The following FOXN3 variants were observed in gnomAD, a reference collection of about 807,000 sequenced individuals.
FOXN3 encodes the protein forkhead box protein N3.
In FOXN3, 7 loss-of-function variants were observed where a neutral mutation model predicts 38.4. That is an observed-to-expected ratio of 0.18 (90% CI 0.10 to 0.34). The LOEUF is 0.34. Ranked by LOEUF, FOXN3 falls within the 10% of genes least tolerant of loss-of-function variation. FOXN3 has a pLI of 1.00. For synonymous variants in FOXN3, 230 were observed against 242.2 expected (o/e 0.95, Z 0.47); for missense variants, 456 against 613.4 (o/e 0.74, Z 2.71).
At chr14:89,262,537 A>T (rs1885839366) in intron 4 of FOXN3, among the ~76,000 whole-genome samples, 1 of 152,246 alleles carries the variant, frequency 6.6e-6, no homozygotes, top group South Asian at 2.1e-4. Flanking sequence ...AGAATTCAAG[A>T]GTTAAACTAG....
intron 1 of FOXN3, among the ~76,000 whole-genome samples, chr14:89,537,174 A>G (rs1035957908): frequency 1.3e-5 from 2 of 152,208 alleles, no homozygotes; most frequent in Non-Finnish European, 2.9e-5. Flanking sequence ...GAATGGGGAC[A>G]ATGTCCTATT....
intron 1 of FOXN3, among the ~76,000 whole-genome samples, chr14:89,498,875 A>G (rs991425057): frequency 1.3e-5 from 2 of 152,128 alleles, no homozygotes; most frequent in Non-Finnish European, 2.9e-5. Context: ...CTCACAAGTC[A>G]ATGATTGGAC....
chr14:89,420,280 A>G (rs1891868661), upstream of FOXN3, among the ~76,000 whole-genome samples: 1 of 152,326 alleles, frequency 6.6e-6, no homozygotes, highest in African/African-American at 2.4e-5. Flanking sequence ...CCTGAGTCAC[A>G]TGACTCCCCT....
chr14:89,501,843 C>T (rs773813768), intron 1 of FOXN3, among the ~76,000 whole-genome samples: 2 of 149,628 alleles, frequency 1.3e-5, no homozygotes, highest in African/African-American at 5.0e-5. Context: ...AGTGAAACTC[C>T]ATCTCAAAAA....
At chr14:89,224,493 T>A (rs1884568128) in intron 4 of FOXN3, among the ~76,000 whole-genome samples, 1 of 152,204 alleles carries the variant, frequency 6.6e-6, no homozygotes, top group Non-Finnish European at 1.5e-5. Context: ...CCAAATGCTT[T>A]GGAACCCTAC....
At chr14:89,284,440 C>A (rs1195698587) in intron 3 of FOXN3, 1 of 455,874 alleles carries the variant, frequency 2.2e-6, no homozygotes, top group Non-Finnish European at 4.4e-6. Context: ...TAGAGACACA[C>A]GCATCAACAG....
In FOXN3 at chr14:89,457,811, G is replaced by A. The variant is rs568515080; in HGVS notation, c.-14-45321C>T. Among the ~76,000 whole-genome samples the A allele has an allele frequency of 2.0e-3, 302 of 152,110 alleles. 2 individuals carry two copies. The highest frequency in any genetic ancestry group is 2.5e-3 in the Non-Finnish European group (169 of 67,998). On this transcript the variant is annotated intron_variant, in intron 1 of 6. Coordinates refer to the FOXN3 transcript ENST00000345097. Reference sequence around the variant, plus strand: ...GTGGATCACCTGAGGTCGGGAGTTCGAGACCAGCCTGACCAACATGGAGAA... The same window carrying A: ...GTGGATCACCTGAGGTCGGGAGTTCAAGACCAGCCTGACCAACATGGAGAA...
At chr14:89,202,865 A>G (rs574980939) in intron 4 of FOXN3, among the ~76,000 whole-genome samples, 1 of 152,146 alleles carries the variant, frequency 6.6e-6, no homozygotes, top group South Asian at 2.1e-4. Context: ...TTTCTTTATA[A>G]ATTACGCAGG....
chr14:89,504,174 A>G, intron 1 of FOXN3, among the ~76,000 whole-genome samples: 1 of 152,236 alleles, frequency 6.6e-6, no homozygotes, highest in East Asian at 1.9e-4. Flanking sequence ...CAAACCAAGT[A>G]GTCATGTGCA....
intron 1 of FOXN3, among the ~76,000 whole-genome samples, chr14:89,504,794 T>A (rs1388340811): frequency 6.6e-6 from 1 of 152,042 alleles, no homozygotes; most frequent in African/African-American, 2.4e-5. Context: ...CAAAGGCAAC[T>A]CCCTCTAACA....
chr14:89,284,534 GGCTGTGAATGGTATTTT>G, intron 3 of FOXN3: 1 of 456,060 alleles, frequency 2.2e-6, no homozygotes, highest in Non-Finnish European at 4.4e-6. Flanking sequence ...TGTGGAAGAA[GGCTGTGAATGGTATTTT>G]GCTAGGACTC....
At chr14:89,597,728 G>A (rs1008966756) in intron 1 of FOXN3, among the ~76,000 whole-genome samples, 4 of 152,078 alleles carry the variant, frequency 2.6e-5, no homozygotes, top group African/African-American at 9.7e-5. Context: ...TTACAGTTAT[G>A]CGATCTTTCT....
At chr14:89,415,766 A>G (rs765217671) in intron 1 of FOXN3, among the ~76,000 whole-genome samples, 1 of 151,666 alleles carries the variant, frequency 6.6e-6, no homozygotes, top group South Asian at 2.1e-4. Context: ...TTAAGCAAAC[A>G]TTTTTAATCT....
rs1596248356 is a variant in FOXN3, at chr14:89,392,893, G to A, written c.543+19041C>T. On this transcript the variant is annotated intron_variant, in intron 2 of 5. Coordinates refer to ENST00000557258, the MANE Select transcript of FOXN3 (RefSeq NM_005197.4). ...ATGATATCAGTTCAGTGCAACCTCC[G>A]CCCCCAAGGTTCAAGAGATTCTTCT... Among the ~76,000 whole-genome samples the A allele has an allele frequency of 2.7e-5, 4 of 149,068 alleles. No homozygotes were observed. In the South Asian group the frequency reaches 6.3e-4, roughly 24 times the overall value.
intron 1 of FOXN3, among the ~76,000 whole-genome samples, chr14:89,568,794 C>A (rs570236014): frequency 6.6e-6 from 1 of 152,100 alleles, no homozygotes; most frequent in African/African-American, 2.4e-5. Flanking sequence ...TTATTTATTT[C>A]CCAAAAAAAG....
chr14:89,501,882 A>G (rs1893808130), intron 1 of FOXN3, among the ~76,000 whole-genome samples: 1 of 151,686 alleles, frequency 6.6e-6, no homozygotes, highest in South Asian at 2.1e-4. Context: ...CACACTAAAT[A>G]CGGCCAGGTG....
intron 2 of FOXN3, among the ~76,000 whole-genome samples, chr14:89,391,926 G>A (rs1890958803): frequency 6.6e-6 from 1 of 152,144 alleles, no homozygotes. Context: ...AGAATTGCTT[G>A]AACCCAGGAG....
At chr14:89,425,270 C>T (rs1345802222) in intron 1 of FOXN3, among the ~76,000 whole-genome samples, 1 of 152,000 alleles carries the variant, frequency 6.6e-6, no homozygotes, top group African/African-American at 2.4e-5. Context: ...GGGGTTTCAC[C>T]ATGTTGGCCA....
At chr14:89,214,567 G>T (rs1884204986) in intron 4 of FOXN3, among the ~76,000 whole-genome samples, 1 of 152,226 alleles carries the variant, frequency 6.6e-6, no homozygotes, top group Non-Finnish European at 1.5e-5. Flanking sequence ...AAGTCAAGTT[G>T]GTGATAGTCT....
Sources: gnomAD v4.1 joint callset for allele counts (sites outside exome capture counted in the v4.1 genomes callset) on GRCh38, gnomAD v4.1.1 for gene constraint, MANE v1.5 for transcripts, NCBI Gene and HGNC (gene_info 2026-07-23, HGNC 2026-07-21) for gene names.